FAM107B: variants seen among roughly 807,000 people sequenced by gnomAD.
FAM107B encodes the protein family with sequence similarity 107 member B.
FAM107B carries 21 observed loss-of-function variants against 31.5 expected under a neutral mutation model. The ratio of observed to expected loss-of-function variants is 0.67; its 90% CI spans 0.47 to 0.96. The LOEUF is 0.96. Ranked by LOEUF, FAM107B falls within the 40% of genes least tolerant of loss-of-function variation. The pLI is 0.00. For missense variants in FAM107B, 452 were observed against 377.1 expected (o/e 1.20, Z -1.64); for synonymous variants, 157 against 141.5 (o/e 1.11, Z -0.78).
chr10:14,652,787 G>A (rs572704177), intron 2 of FAM107B: 10 of 152,276 alleles, frequency 6.6e-5, no homozygotes, highest in South Asian at 2.1e-4. Flanking sequence ...ATCAAATACC[G>A]CAGCTGGACC....
At chr10:14,706,729 A>G (rs145164391) in intron 1 of FAM107B, among the ~76,000 whole-genome samples, 1 of 152,300 alleles carries the variant, frequency 6.6e-6, no homozygotes, top group African/African-American at 2.4e-5. Flanking sequence ...TCCATGCTGG[A>G]GACTATCTTT....
At chr10:14,644,004 T>C (rs1853694603) in intron 2 of FAM107B, among the ~76,000 whole-genome samples, 1 of 151,962 alleles carries the variant, frequency 6.6e-6, no homozygotes, top group Non-Finnish European at 1.5e-5. Context: ...TGCTATTGTA[T>C]TACTTACTTG....
chr10:14,735,125 A>G (rs114063329), intron 1 of FAM107B, among the ~76,000 whole-genome samples: 184 of 152,332 alleles, frequency 1.2e-3, no homozygotes, highest in African/African-American at 4.4e-3. Context: ...ATTCCAGCGG[A>G]TAAAATAAGC....
chr10:14,573,794 C>T (rs1260603075), intron 2 of FAM107B, among the ~76,000 whole-genome samples: 1 of 151,936 alleles, frequency 6.6e-6, no homozygotes, highest in Non-Finnish European at 1.5e-5. Flanking sequence ...TGTGGTATTC[C>T]ACTACGGCAG....
At chr10:14,578,756 C>G (rs1851541304) in intron 2 of FAM107B, among the ~76,000 whole-genome samples, 1 of 152,144 alleles carries the variant, frequency 6.6e-6, no homozygotes, top group Non-Finnish European at 1.5e-5. Flanking sequence ...GAGATTAGAA[C>G]AAGGAAGAAT....
chr10:14,634,387 G>A (rs917404872), intron 2 of FAM107B, among the ~76,000 whole-genome samples: 3 of 142,250 alleles, frequency 2.1e-5, no homozygotes, highest in Non-Finnish European at 4.5e-5. Context: ...ACCACAGAGC[G>A]AGACTCTGTC....
intron 1 of FAM107B, among the ~76,000 whole-genome samples, chr10:14,737,720 C>T (rs1588743783): frequency 6.6e-6 from 1 of 151,164 alleles, no homozygotes; most frequent in Admixed American, 6.6e-5. Flanking sequence ...TCCCTGAAAA[C>T]GTTTCCCAGG....
chr10:14,741,402 C>T (rs1856433454), intron 1 of FAM107B, among the ~76,000 whole-genome samples: 1 of 152,144 alleles, frequency 6.6e-6, no homozygotes, highest in South Asian at 2.1e-4. Flanking sequence ...AGAGAGGAGC[C>T]CCGTGTTTTA....
intron 2 of FAM107B, chr10:14,553,481 A>T: frequency 1.6e-6 from 1 of 626,006 alleles, no homozygotes; most frequent in Non-Finnish European, 2.5e-6. Context: ...AGCTGAACAA[A>T]ATTCCACACC....
At chr10:14,625,259 C>CGT (rs55688523) in intron 2 of FAM107B, among the ~76,000 whole-genome samples, 16,789 of 146,182 alleles carry the variant, frequency 0.11, 1,035 homozygotes, top group East Asian at 0.24. Context: ...CGTGTGCGTG[C>CGT]GTGTGTGTGT....
intron 2 of FAM107B, among the ~76,000 whole-genome samples, chr10:14,588,550 C>T (rs915241526): frequency 6.6e-6 from 1 of 152,130 alleles, no homozygotes; most frequent in African/African-American, 2.4e-5. Context: ...CCATAAACCC[C>T]CGGAGGCACC....
intron 2 of FAM107B, among the ~76,000 whole-genome samples, chr10:14,594,621 A>C (rs1407160018): frequency 4.6e-5 from 7 of 152,220 alleles, no homozygotes; most frequent in Non-Finnish European, 1.0e-4. Flanking sequence ...GGGCGTGTGA[A>C]GAAGCAGTAA....
intron 1 of FAM107B, among the ~76,000 whole-genome samples, chr10:14,769,104 A>T (rs1833244061): frequency 6.6e-6 from 1 of 152,252 alleles, no homozygotes; most frequent in Non-Finnish European, 1.5e-5. Context: ...AAACAGGAAG[A>T]TAAAATCAAA....
intron 1 of FAM107B, among the ~76,000 whole-genome samples, chr10:14,748,338 T>C (rs1197134153): frequency 6.6e-6 from 1 of 152,176 alleles, no homozygotes; most frequent in East Asian, 1.9e-4. Context: ...CATCTGTCAT[T>C]CTTTTTGGCC....
chr10:14,557,550 T>C (rs890217091), intron 2 of FAM107B, among the ~76,000 whole-genome samples: 6 of 145,484 alleles, frequency 4.1e-5, no homozygotes, highest in African/African-American at 1.2e-4. Context: ...ATGGGATTCT[T>C]TGTCATTTAA....
Position 14,600,797 on chromosome 10 carries a change from TC to T in FAM107B, c.469+66836del, listed in dbSNP as rs1852369229. 2.6e-5 allele frequency among the ~76,000 whole-genome samples: 4 copies of T among 151,706 alleles called. No individual in the cohort carries two copies. In the South Asian group the frequency reaches 8.3e-4, roughly 32 times the overall value. ...TGGGACTACAGGCATGCACCACCAC[TC>T]CCAGCTAATTTTTAAAAATGTGTTG... is the stretch of plus-strand genomic sequence containing the variant. On this transcript the variant is annotated intron_variant, in intron 2 of 4. Transcript: ENST00000181796.
At chr10:14,765,307 G>T (rs1009541884) in intron 1 of FAM107B, among the ~76,000 whole-genome samples, 5 of 152,076 alleles carry the variant, frequency 3.3e-5, no homozygotes, top group Admixed American at 3.3e-4. Flanking sequence ...TTGCATTCTT[G>T]CCACTCTCTG....
chr10:14,549,685 G>A (rs1318587508), intron 2 of FAM107B, among the ~76,000 whole-genome samples: 1 of 152,082 alleles, frequency 6.6e-6, no homozygotes, highest in Non-Finnish European at 1.5e-5. Flanking sequence ...CAAAAGCAGG[G>A]CAACCCCAGC....
intron 1 of FAM107B, among the ~76,000 whole-genome samples, chr10:14,772,397 A>T (rs1833327272): frequency 6.6e-6 from 1 of 151,252 alleles, no homozygotes; most frequent in South Asian, 2.1e-4. Context: ...CACTGTCACC[A>T]GGGTTGGCTG....
Sources: allele counts gnomAD v4.1 joint callset (sites outside exome capture counted in the v4.1 genomes callset), GRCh38; gene constraint gnomAD v4.1.1; transcripts MANE v1.5; gene names NCBI Gene and HGNC (gene_info 2026-07-23, HGNC 2026-07-21).